Variants in SLC39A8 observed in about 807,000 individuals in gnomAD.
SLC39A8 encodes the protein metal cation symporter ZIP8.
In SLC39A8, 15 loss-of-function variants were observed where a neutral mutation model predicts 40.4. The observed-to-expected ratio is 0.37, with a 90% CI of 0.25 to 0.57. SLC39A8 has a LOEUF of 0.57. Ranked by LOEUF, SLC39A8 falls within the 20% of genes least tolerant of loss-of-function variation. The probability of loss-of-function intolerance (pLI) is 0.75; values close to 1 mark genes in which losing one functional copy is unlikely to be tolerated. For missense variants in SLC39A8, 472 were observed against 558.8 expected (o/e 0.84, Z 1.57); for synonymous variants, 223 against 221.6 (o/e 1.01, Z -0.06).
intron 3 of SLC39A8, 48 bp downstream of exon 3, chr4:102,315,620 T>C (rs1157313286): frequency 6.7e-7 from 1 of 1,496,088 alleles, no homozygotes; most frequent in South Asian, 1.4e-5. Context: ...CATTTCACAA[T>C]GGTTCATAGA....
intron 6 of SLC39A8, among the ~76,000 whole-genome samples, chr4:102,301,838 T>C (rs774492818): frequency 6.6e-6 from 1 of 152,016 alleles, no homozygotes; most frequent in Admixed American, 6.6e-5. Context: ...TTAATTATGA[T>C]TTAAAAAAAT....
At chr4:102,327,592 A>G (rs956853280) in intron 2 of SLC39A8, among the ~76,000 whole-genome samples, 5 of 152,172 alleles carry the variant, frequency 3.3e-5, no homozygotes, top group African/African-American at 1.2e-4. Flanking sequence ...TTTGTTTAGC[A>G]CTTAATGTGT....
chr4:102,262,826 A>AT lies in SLC39A8; in HGVS notation c.*217dup. On this transcript the variant is annotated 3_prime_UTR_variant, in exon 9 of 9. Coordinates refer to ENST00000356736, the MANE Select transcript of SLC39A8 (RefSeq NM_001135146.2). ...ATAGGTATTTCCCAAAGGCTCCTAT[A>AT]TACCAGGCATCTCAGACTGACACTG... The AT allele has an allele frequency of 1.5e-6, 2 of 1,327,844 alleles. No homozygotes were observed. Among genetic ancestry groups the AT allele is most frequent in the South Asian group, 2.0e-5 (1 of 49,294 alleles). 82.3% of individuals were successfully genotyped at this position (1,327,844 alleles called of 1,614,324 possible).
At chr4:102,318,605 TGA>T (rs1180788294) in intron 2 of SLC39A8, among the ~76,000 whole-genome samples, 4 of 152,052 alleles carry the variant, frequency 2.6e-5, no homozygotes, top group Non-Finnish European at 5.9e-5. Context: ...ACAAACAGGA[TGA>T]GAGTCCAGCG....
chr4:102,344,860 G>A lies in SLC39A8; in HGVS notation c.-198C>T. ...TCGCGACCTGCGGGGCATTGAAGTG[G>A]CAGCGTAGCCGAGGGGAGCGATAGG... On this transcript the variant is annotated 5_prime_UTR_variant, in exon 2 of 9. Coordinates refer to ENST00000356736, the MANE Select transcript of SLC39A8 (RefSeq NM_001135146.2). 7.6e-7 allele frequency: 1 copy of A among 1,312,496 alleles called. No homozygotes were observed. The allele number at this position is 1,312,496 out of a possible 1,614,324, so 81.3% of individuals were successfully genotyped here. A position where few individuals can be genotyped will look rare whatever the true frequency, so the allele number is the denominator to read the frequency against.
rs368911391 is a variant in SLC39A8 at position 102,304,343 on chromosome 4, C to G, written c.814G>C (p.Asp272His). ...TGTAGAGATACCACACTGACATTAT[C>G]AAAATGGATATGTCCATTAGCTTCT... The part of the protein sequence containing the change: ...VTEANGHIHF[D>H]NVSVVSLQDG... Residue 272 changes from aspartate to histidine, a missense_variant, in exon 6 of 9, where the codon GAT (aspartate) becomes CAT (histidine). Transcript: ENST00000356736. 3.7e-6 allele frequency: 6 copies of G among 1,610,840 alleles called. No individual in the cohort carries two copies. Among genetic ancestry groups the G allele is most frequent in the African/African-American group, 2.7e-5 (2 of 74,720 alleles).
chr4:102,345,074 C>G (rs2149060783), intron 1 of SLC39A8, 159 bp from the exon 2 acceptor site: 1 of 221,358 alleles, frequency 4.5e-6, no homozygotes, highest in East Asian at 1.3e-4. Context: ...GATTTGCGTA[C>G]ATATGCTCCT....
intron 2 of SLC39A8, among the ~76,000 whole-genome samples, chr4:102,316,555 C>T (rs1734667350): frequency 6.6e-6 from 1 of 152,048 alleles, no homozygotes; most frequent in Non-Finnish European, 1.5e-5. Context: ...TAACTGTAAG[C>T]TCTTCCATAT....
At chr4:102,255,699 G>A (rs1731692673) in intron 11 of SLC39A8, among the ~76,000 whole-genome samples, 2 of 152,120 alleles carry the variant, frequency 1.3e-5, no homozygotes, top group African/African-American at 4.8e-5. Flanking sequence ...GCTTTTACAT[G>A]GACAAGGGCA....
At chr4:102,335,914 T>C (rs1340216821) in intron 2 of SLC39A8, among the ~76,000 whole-genome samples, 2 of 152,172 alleles carry the variant, frequency 1.3e-5, no homozygotes, top group African/African-American at 4.8e-5. Flanking sequence ...TGCTTTCTTC[T>C]TTTAGTTGAC....
chr4:102,302,083 C>T (rs536879010), intron 6 of SLC39A8, among the ~76,000 whole-genome samples: 2 of 152,060 alleles, frequency 1.3e-5, no homozygotes, highest in South Asian at 2.1e-4. Flanking sequence ...CTCTTCCGTG[C>T]TTTGTGTTAC....
At chr4:102,271,651 A>T (rs1732368752) in intron 6 of SLC39A8, among the ~76,000 whole-genome samples, 2 of 152,186 alleles carry the variant, frequency 1.3e-5, no homozygotes, top group African/African-American at 4.8e-5. Context: ...TCCTCCCATT[A>T]TAAGGGGATG....
At position 102,322,046 on chromosome 4, in the gene SLC39A8, C is replaced by T. The variant is rs142191112; in HGVS notation, c.220-6216G>A. On this transcript the variant is annotated intron_variant, in intron 2 of 8. Coordinates refer to ENST00000356736, the MANE Select transcript of SLC39A8 (RefSeq NM_001135146.2). ...CCTGGAATGATGAAAGACATGTAAC[C>T]CTTGGGTTTTTGTCCCATCATCTAG... is the stretch of plus-strand genomic sequence containing the variant. 1.5e-4 allele frequency among the ~76,000 whole-genome samples: 23 copies of T among 152,158 alleles called. No homozygotes were observed. In the East Asian group the frequency reaches 4.2e-3, roughly 28 times the overall value.
intron 2 of SLC39A8, among the ~76,000 whole-genome samples, chr4:102,321,059 C>T (rs1454334580): frequency 6.6e-6 from 1 of 151,770 alleles, no homozygotes; most frequent in African/African-American, 2.4e-5. Context: ...GGATGACAAC[C>T]AGGAAGGAAA....
At chr4:102,284,398 G>A (rs1246961665) in intron 6 of SLC39A8, among the ~76,000 whole-genome samples, 2 of 152,164 alleles carry the variant, frequency 1.3e-5, no homozygotes, top group Non-Finnish European at 2.9e-5. Context: ...GAACCAGAAT[G>A]GCAGAGCGCA....
At chr4:102,300,104 T>A (rs1308254930) in intron 6 of SLC39A8, among the ~76,000 whole-genome samples, 1 of 151,984 alleles carries the variant, frequency 6.6e-6, no homozygotes, top group Non-Finnish European at 1.5e-5. Context: ...TTTTTACCCC[T>A]CTGTGACCCC....
intron 6 of SLC39A8, among the ~76,000 whole-genome samples, chr4:102,275,394 C>A (rs1368934341): frequency 6.6e-6 from 1 of 152,052 alleles, no homozygotes; most frequent in Non-Finnish European, 1.5e-5. Flanking sequence ...AAGGGCATTA[C>A]ATAATGGTAA....
Position 102,262,243 on chromosome 4 carries a change from G to C in SLC39A8, c.*801C>G. On this transcript the variant is annotated 3_prime_UTR_variant, in exon 9 of 9. Transcript: ENST00000356736. ...CCAACATATTCTTCACCTTCACAAA[G>C]CAAACACATGGTGCACTGAAACCGA... The C allele has an allele frequency of 7.1e-6, 7 of 985,746 alleles. No homozygotes were observed. The highest frequency in any genetic ancestry group is 8.4e-6 in the Non-Finnish European group (7 of 829,882). The allele number at this position is 985,746 out of a possible 1,614,324, so 61.1% of individuals were successfully genotyped here. A position where few individuals can be genotyped will look rare whatever the true frequency, so the allele number is the denominator to read the frequency against.
At chr4:102,272,135 C>A (rs758754910) in intron 6 of SLC39A8, among the ~76,000 whole-genome samples, 1 of 152,016 alleles carries the variant, frequency 6.6e-6, no homozygotes, top group African/African-American at 2.4e-5. Context: ...GCCAGGTGTT[C>A]AAGACCAACC....
Sources: allele counts gnomAD v4.1 joint callset (sites outside exome capture counted in the v4.1 genomes callset), GRCh38; gene constraint gnomAD v4.1.1; transcripts MANE v1.5; gene names NCBI Gene and HGNC (gene_info 2026-07-23, HGNC 2026-07-21).